Variants in CCBE1 observed in about 807,000 individuals in gnomAD.
CCBE1 encodes collagen and calcium binding EGF domains 1.
In CCBE1, 37 loss-of-function variants were observed where a neutral mutation model predicts 50.0. The ratio of observed to expected loss-of-function variants is 0.74; its 90% CI spans 0.57 to 0.97. The LOEUF is 0.97. Among genes scored for constraint, CCBE1 ranks in the 50% least tolerant of loss-of-function variants. The pLI is 0.00. For missense variants in CCBE1, 538 were observed against 523.8 expected (o/e 1.03, Z -0.26); for synonymous variants, 234 against 203.7 (o/e 1.15, Z -1.27).
intron 2 of CCBE1, among the ~76,000 whole-genome samples, chr18:59,629,839 C>G (rs948798419): frequency 6.6e-6 from 1 of 152,150 alleles, no homozygotes; most frequent in Non-Finnish European, 1.5e-5. Context: ...GGGGAGGTAG[C>G]AGGCGAGCCA....
intron 2 of CCBE1, among the ~76,000 whole-genome samples, chr18:59,503,770 GTA>G (rs1195608490): frequency 3.3e-5 from 5 of 152,088 alleles, no homozygotes; most frequent in Non-Finnish European, 7.4e-5. Context: ...CTTTTGCAAA[GTA>G]CAACAGGCCC....
At chr18:59,574,860 A>G (rs1391919499) in intron 2 of CCBE1, among the ~76,000 whole-genome samples, 3 of 152,146 alleles carry the variant, frequency 2.0e-5, no homozygotes, top group Non-Finnish European at 4.4e-5. Flanking sequence ...AAATTCATAT[A>G]TGTGGAAGTC....
At chr18:59,531,678 A>C (rs1032585949) in intron 2 of CCBE1, among the ~76,000 whole-genome samples, 7 of 152,188 alleles carry the variant, frequency 4.6e-5, no homozygotes, top group Non-Finnish European at 8.8e-5. Flanking sequence ...CAGGAAGTTG[A>C]GGCTGCAGTG....
At chr18:59,543,215 C>A (rs6567099) in intron 2 of CCBE1, among the ~76,000 whole-genome samples, 42,550 of 152,008 alleles carry the variant, frequency 0.28, 6,159 homozygotes, top group African/African-American at 0.33. Flanking sequence ...GCACAAATGA[C>A]CTCCTCCTGG....
chr18:59,582,690 C>G (rs1013609971), intron 2 of CCBE1, among the ~76,000 whole-genome samples: 23 of 152,234 alleles, frequency 1.5e-4, no homozygotes, highest in Non-Finnish European at 3.1e-4. Flanking sequence ...CACCCAACCT[C>G]TTTCAGTTAC....
intron 2 of CCBE1, among the ~76,000 whole-genome samples, chr18:59,582,205 TCTC>T (rs998579399): frequency 1.3e-5 from 2 of 152,136 alleles, no homozygotes; most frequent in Admixed American, 6.5e-5. Flanking sequence ...AAAAGCAACT[TCTC>T]CTATGAAGTC....
In CCBE1 at chr18:59,435,869, G is replaced by A; in HGVS notation, c.*39C>T. 1.3e-6 allele frequency: 2 copies of A among 1,560,600 alleles called. No homozygotes were observed. Among genetic ancestry groups the A allele is most frequent in the Non-Finnish European group, 1.8e-6 (2 of 1,131,218 alleles). On this transcript the variant is annotated 3_prime_UTR_variant, in exon 11 of 11. Coordinates refer to ENST00000439986, the MANE Select transcript of CCBE1 (RefSeq NM_133459.4). ...TAGATGGTTTAACTGCAGGTGAGTT[G>A]ATCTTTCTCTTCCTTTGGCGTGACG...
At chr18:59,556,701 A>G (rs2052661873) in intron 2 of CCBE1, among the ~76,000 whole-genome samples, 1 of 152,206 alleles carries the variant, frequency 6.6e-6, no homozygotes, top group African/African-American at 2.4e-5. Context: ...TGGAAAAAAA[A>G]TCAATACATT....
intron 2 of CCBE1, among the ~76,000 whole-genome samples, chr18:59,569,960 T>C (rs1463339826): frequency 6.6e-6 from 1 of 152,210 alleles, no homozygotes; most frequent in Non-Finnish European, 1.5e-5. Context: ...CAAGTATCAC[T>C]ACCCAGATAA....
At chr18:59,452,074 A>G (rs1368392353) in intron 6 of CCBE1, among the ~76,000 whole-genome samples, 1 of 152,204 alleles carries the variant, frequency 6.6e-6, no homozygotes, top group Non-Finnish European at 1.5e-5. Flanking sequence ...TTGCCTGCAG[A>G]CTGCCGGAAC....
intron 2 of CCBE1, among the ~76,000 whole-genome samples, chr18:59,604,612 G>A (rs921371632): frequency 2.0e-5 from 3 of 152,170 alleles, no homozygotes; most frequent in South Asian, 2.1e-4. Flanking sequence ...ACAGAAAAAC[G>A]TGAATTAAAC....
intron 2 of CCBE1, among the ~76,000 whole-genome samples, chr18:59,535,618 T>C (rs1043990029): frequency 2.0e-5 from 3 of 152,182 alleles, no homozygotes; most frequent in Non-Finnish European, 4.4e-5. Flanking sequence ...TCTTAATAGC[T>C]GAAAAATTTG....
chr18:59,595,545 G>C lies in CCBE1; in HGVS notation c.212+101084C>G, dbSNP rs865936070. Among the ~76,000 whole-genome samples the C allele has an allele frequency of 3.3e-5, 5 of 152,230 alleles. No individual in the cohort carries two copies. In the South Asian group the frequency reaches 1.0e-3, roughly 32 times the overall value. ...CCCTTTTACCATCACCATTACCTGA[G>C]TCCCTCTAAAAGCCAGATCAAGTTC... On this transcript the variant is annotated intron_variant, in intron 2 of 10. Coordinates refer to ENST00000439986, the MANE Select transcript of CCBE1 (RefSeq NM_133459.4).
At chr18:59,605,442 CAGG>C (rs1354799946) in intron 2 of CCBE1, among the ~76,000 whole-genome samples, 2 of 152,122 alleles carry the variant, frequency 1.3e-5, no homozygotes, top group Non-Finnish European at 2.9e-5. Context: ...CTCACCCTAC[CAGG>C]AGAAGGGCTT....
chr18:59,509,591 C>T (rs1914040152), intron 2 of CCBE1, among the ~76,000 whole-genome samples: 1 of 152,136 alleles, frequency 6.6e-6, no homozygotes, highest in Admixed American at 6.5e-5. Context: ...CTCAGGGGCA[C>T]ACACTGAAAC....
chr18:59,588,879 C>T (rs147167525), intron 2 of CCBE1, among the ~76,000 whole-genome samples: 1,613 of 152,314 alleles, frequency 0.011, 30 homozygotes, highest in South Asian at 0.038. Context: ...GATGCCCCCT[C>T]GGGAGGCTTT....
At chr18:59,696,005 A>G (rs1015639287) in intron 2 of CCBE1, among the ~76,000 whole-genome samples, 1 of 152,214 alleles carries the variant, frequency 6.6e-6, no homozygotes, top group East Asian at 1.9e-4. Flanking sequence ...GGAACATTTT[A>G]TAACTACCGA....
chr18:59,642,563 A>G (rs1008687957), intron 2 of CCBE1, among the ~76,000 whole-genome samples: 4 of 152,202 alleles, frequency 2.6e-5, no homozygotes, highest in Non-Finnish European at 5.9e-5. Flanking sequence ...TATGTCTAAG[A>G]ACAATCCAAA....
At chr18:59,613,571 T>G (rs1360879455) in intron 2 of CCBE1, among the ~76,000 whole-genome samples, 1 of 152,198 alleles carries the variant, frequency 6.6e-6, no homozygotes, top group Non-Finnish European at 1.5e-5. Context: ...CTTTTTAGAC[T>G]TCAATTGTCT....
Sources: gnomAD v4.1 joint callset for allele counts (sites outside exome capture counted in the v4.1 genomes callset) on GRCh38, gnomAD v4.1.1 for gene constraint, MANE v1.5 for transcripts, NCBI Gene and HGNC (gene_info 2026-07-23, HGNC 2026-07-21) for gene names.